NREP: variants seen among roughly 807,000 people sequenced by gnomAD.
NREP encodes the protein neuronal regeneration related protein, also known as neuronal regeneration-related protein.
Under a neutral mutation model 8.6 loss-of-function variants are expected in NREP, and 5 were observed. The observed-to-expected ratio is 0.58, with a 90% CI of 0.30 to 1.22. NREP has a LOEUF of 1.22. Among genes scored for constraint, NREP ranks in the 50% most tolerant of loss-of-function variants. The pLI is 0.07. For missense variants in NREP, 86 were observed against 82.5 expected (o/e 1.04, Z -0.17); for synonymous variants, 27 against 28.0 (o/e 0.96, Z 0.11).
chr5:111,776,507 T>TG (rs1381829583), intron 2 of NREP, among the ~76,000 whole-genome samples: 1 of 152,106 alleles, frequency 6.6e-6, no homozygotes, highest in Non-Finnish European at 1.5e-5. Flanking sequence ...CCAAAAGACA[T>TG]GCGCAAGTCT....
chr5:111,861,298 G>A (rs538383931), intron 2 of NREP, among the ~76,000 whole-genome samples: 2 of 152,066 alleles, frequency 1.3e-5, no homozygotes, highest in African/African-American at 4.8e-5. Context: ...CCAGGTCTTT[G>A]CCCCCAAATT....
At chr5:111,902,446 AT>A (rs1258256118) in intron 2 of NREP, among the ~76,000 whole-genome samples, 1 of 152,152 alleles carries the variant, frequency 6.6e-6, no homozygotes, top group East Asian at 1.9e-4. Flanking sequence ...ATTCTGAAGT[AT>A]TTTTTCAAAT....
At chr5:111,878,482 T>C (rs1753965786) in intron 2 of NREP, among the ~76,000 whole-genome samples, 1 of 152,142 alleles carries the variant, frequency 6.6e-6, no homozygotes, top group South Asian at 2.1e-4. Context: ...GGACACTGCA[T>C]CCATGATTCA....
chr5:111,875,114 A>T (rs537331544), intron 2 of NREP, among the ~76,000 whole-genome samples: 1 of 152,318 alleles, frequency 6.6e-6, no homozygotes, highest in Non-Finnish European at 1.5e-5. Flanking sequence ...GTGAAATCAG[A>T]AATAACAAAG....
intron 2 of NREP, among the ~76,000 whole-genome samples, chr5:111,840,420 G>C (rs959882694): frequency 2.0e-5 from 3 of 152,072 alleles, no homozygotes; most frequent in Admixed American, 6.6e-5. Flanking sequence ...GACCAGGAAG[G>C]AAAGACCAAA....
At chr5:111,884,166 C>A (rs1387736678) in intron 2 of NREP, among the ~76,000 whole-genome samples, 1 of 151,916 alleles carries the variant, frequency 6.6e-6, no homozygotes, top group African/African-American at 2.4e-5. Context: ...CACAGAAATA[C>A]AAACTACCAT....
chr5:111,852,404 G>A (rs552589662), intron 2 of NREP, among the ~76,000 whole-genome samples: 6 of 152,208 alleles, frequency 3.9e-5, no homozygotes, highest in South Asian at 2.1e-4. Context: ...GACGAGGGGC[G>A]CAGTCTCAAA....
At chr5:111,877,522 T>C (rs2112507184) in intron 2 of NREP, among the ~76,000 whole-genome samples, 1 of 152,170 alleles carries the variant, frequency 6.6e-6, no homozygotes, top group Middle Eastern at 3.4e-3. Context: ...AGATTGGGAG[T>C]TGGTTGTGTT....
chr5:111,923,218 T>C (rs1309607178), intron 2 of NREP, among the ~76,000 whole-genome samples: 1 of 152,166 alleles, frequency 6.6e-6, no homozygotes. Flanking sequence ...GCTCAGCTAA[T>C]TGGGCGCTTG....
At chr5:111,956,131 C>A (rs757997654) in intron 2 of NREP, among the ~76,000 whole-genome samples, 1 of 151,996 alleles carries the variant, frequency 6.6e-6, no homozygotes, top group Non-Finnish European at 1.5e-5. Flanking sequence ...TGGGTAGATA[C>A]CACCATGATA....
intron 2 of NREP, among the ~76,000 whole-genome samples, chr5:111,951,465 A>G (rs2112635109): frequency 6.6e-6 from 1 of 152,174 alleles, no homozygotes; most frequent in Non-Finnish European, 1.5e-5. Flanking sequence ...CGGTGGTCAT[A>G]GTGCTGATGG....
chr5:111,881,961 C>A (rs146133585), intron 2 of NREP, among the ~76,000 whole-genome samples: 1 of 152,108 alleles, frequency 6.6e-6, no homozygotes, highest in East Asian at 1.9e-4. Context: ...TCACCAGCAA[C>A]GGAACAAAGC....
At chr5:111,793,580 G>A (rs1488430633) in intron 2 of NREP, among the ~76,000 whole-genome samples, 1 of 152,096 alleles carries the variant, frequency 6.6e-6, no homozygotes. Flanking sequence ...TGATTCAAAT[G>A]GTAATCTATT....
chr5:111,839,754 A>C (rs887333434), intron 2 of NREP, among the ~76,000 whole-genome samples: 8 of 152,140 alleles, frequency 5.3e-5, no homozygotes, highest in Non-Finnish European at 1.0e-4. Flanking sequence ...ATAAATATTT[A>C]TGTACCTATA....
At chr5:111,851,439 A>G (rs1309238479) in intron 2 of NREP, among the ~76,000 whole-genome samples, 2 of 152,184 alleles carry the variant, frequency 1.3e-5, no homozygotes, top group African/African-American at 2.4e-5. Flanking sequence ...AATTTTATAT[A>G]TACGTATGTG....
chr5:111,883,670 C>T (rs1173538413), intron 2 of NREP, among the ~76,000 whole-genome samples: 1 of 152,190 alleles, frequency 6.6e-6, no homozygotes, highest in Non-Finnish European at 1.5e-5. Flanking sequence ...TTAAGACACT[C>T]ACTCAAAACC....
At chr5:111,734,357 T>C (rs778238136) in intron 3 of NREP, 14 of 167,954 alleles carry the variant, frequency 8.3e-5, no homozygotes, top group Non-Finnish European at 1.8e-4. Context: ...TGTGGGTGTC[T>C]TTTAAGGAAA....
intron 2 of NREP, among the ~76,000 whole-genome samples, chr5:111,894,980 G>A (rs1273725056): frequency 6.6e-6 from 1 of 152,216 alleles, no homozygotes; most frequent in Non-Finnish European, 1.5e-5. Flanking sequence ...TGTTTAGAGA[G>A]CTCTTAGAAT....
intron 2 of NREP, among the ~76,000 whole-genome samples, chr5:111,791,427 T>G (rs974058337): frequency 2.0e-5 from 3 of 152,198 alleles, no homozygotes; most frequent in Non-Finnish European, 4.4e-5. Context: ...TCTGATTTTT[T>G]TTTAGATTTT....
Sources: allele counts gnomAD v4.1 joint callset (sites outside exome capture counted in the v4.1 genomes callset), GRCh38; gene constraint gnomAD v4.1.1; transcripts MANE v1.5; gene names NCBI Gene and HGNC (gene_info 2026-07-23, HGNC 2026-07-21).